Variants in SMCO1 observed in about 807,000 individuals in gnomAD.
SMCO1 encodes single-pass membrane protein with coiled-coil domains 1, also known as single-pass membrane and coiled-coil domain-containing protein 1.
In SMCO1, 9 loss-of-function variants were observed where a neutral mutation model predicts 7.5. That is an observed-to-expected ratio of 1.20 (90% confidence interval 0.72 to 2.09). SMCO1 has a LOEUF of 2.09. SMCO1 is among the 30% of genes most tolerant of loss of function. The pLI, the probability that SMCO1 is intolerant of heterozygous loss-of-function variation, is 0.00. For missense variants in SMCO1, 219 were observed against 253.1 expected (o/e 0.87, Z 0.91); for synonymous variants, 90 against 93.8 (o/e 0.96, Z 0.23).
chr3:196,517,034 G>T (rs2108665230), upstream of SMCO1, among the ~76,000 whole-genome samples: 1 of 142,234 alleles, frequency 7.0e-6, no homozygotes, highest in East Asian at 2.2e-4. Context: ...GGGAGGTGGA[G>T]GTTGCAGTGA....
intron 2 of SMCO1, among the ~76,000 whole-genome samples, chr3:196,509,258 G>T (rs1733149388): frequency 6.8e-6 from 1 of 146,476 alleles, no homozygotes. Context: ...TAGAGGCAGG[G>T]TTTCACTGTG....
upstream of SMCO1, among the ~76,000 whole-genome samples, chr3:196,516,010 T>C (rs1189066793): frequency 1.1e-5 from 1 of 93,602 alleles, no homozygotes; most frequent in Non-Finnish European, 1.7e-5. Flanking sequence ...TATATATATA[T>C]ATATATATAT....
chr3:196,515,688 C>T (rs1411115973), upstream of SMCO1, among the ~76,000 whole-genome samples: 2 of 151,962 alleles, frequency 1.3e-5, no homozygotes, highest in African/African-American at 4.8e-5. Context: ...AAAAATCTAA[C>T]TATCATTAGA....
upstream of SMCO1, chr3:196,515,443 T>G (rs143379750): frequency 1.9e-6 from 1 of 521,028 alleles, no homozygotes; most frequent in African/African-American, 1.9e-5. Context: ...TGGAATGCAC[T>G]ATAACATTTG....
rs1243604801 is a variant in SMCO1 at position 196,507,225 on chromosome 3, T to A, written c.*662A>T. On this transcript the variant is annotated 3_prime_UTR_variant, in exon 3 of 3. Transcript: ENST00000397537. ...TTTCAGGCTTTAGACTGTCCTTGGC[T>A]TGAAGGTTGAGTTTCACCAGGGACC... 6.6e-6 allele frequency: 1 copy of A among 152,212 alleles called. No individual in the cohort carries two copies. Among genetic ancestry groups the A allele is most frequent in the Non-Finnish European group, 1.5e-5 (1 of 68,078 alleles). 9.4% of individuals were successfully genotyped at this position (152,212 alleles called of 1,614,324 possible).
At chr3:196,518,616 C>G (rs528781658), upstream of SMCO1, among the ~76,000 whole-genome samples, 3 of 152,272 alleles carry the variant, frequency 2.0e-5, no homozygotes, top group East Asian at 5.8e-4. Flanking sequence ...GACAAAGGAC[C>G]CTGGGTGTTT....
chr3:196,516,028 T>C (rs1191169021), upstream of SMCO1, among the ~76,000 whole-genome samples: 3 of 115,616 alleles, frequency 2.6e-5, no homozygotes, highest in East Asian at 2.2e-4. Flanking sequence ...TATATATATA[T>C]ATAATTATAT....
At chr3:196,516,398 C>T (rs989882548), upstream of SMCO1, among the ~76,000 whole-genome samples, 5 of 151,530 alleles carry the variant, frequency 3.3e-5, no homozygotes, top group East Asian at 5.8e-4. Context: ...AAGGGTGTTA[C>T]GAACTGGAGA....
At position 196,508,225 on chromosome 3, in the gene SMCO1, G is replaced by GA; in HGVS notation, c.306dup (p.Pro103SerfsTer12). The GA allele has an allele frequency of 6.2e-7, 1 of 1,614,148 alleles. No homozygotes were observed. The highest frequency in any genetic ancestry group is 8.5e-7 in the Non-Finnish European group (1 of 1,180,028). On this transcript the variant is annotated frameshift_variant, in exon 3 of 3. Coordinates refer to ENST00000397537, the MANE Select transcript of SMCO1 (RefSeq NM_001077657.3). LOFTEE classifies it low-confidence loss of function (END_TRUNC). ...CTTCTGAGTACAGAGGCTAAGGTTG[G>GA]AAGACCTCTCACCAGGTCTGGCAGC...
upstream of SMCO1, among the ~76,000 whole-genome samples, chr3:196,519,936 G>A (rs189552918): frequency 2.1e-5 from 3 of 142,942 alleles, no homozygotes; most frequent in East Asian, 1.9e-4. Flanking sequence ...GAAAACAGTC[G>A]GGGGGGACGC....
chr3:196,517,348 C>T (rs1029045456), upstream of SMCO1, among the ~76,000 whole-genome samples: 3 of 152,100 alleles, frequency 2.0e-5, no homozygotes, highest in East Asian at 5.8e-4. Flanking sequence ...GGGCTGGTCA[C>T]TAGAAAGACC....
chr3:196,519,936 G>T (rs189552918), upstream of SMCO1, among the ~76,000 whole-genome samples: 1 of 142,848 alleles, frequency 7.0e-6, no homozygotes, highest in African/African-American at 3.0e-5. Context: ...GAAAACAGTC[G>T]GGGGGGACGC....
chr3:196,520,759 G>A, the SMCO1 span, among the ~76,000 whole-genome samples: 1 of 152,214 alleles, frequency 6.6e-6, no homozygotes, highest in Admixed American at 6.5e-5. Context: ...GAAAAATATG[G>A]AGATGTGTGG....
chr3:196,509,851 C>G (rs1179747798), intron 1 of SMCO1, among the ~76,000 whole-genome samples, 182 bp from the exon 2 acceptor site: 1 of 151,936 alleles, frequency 6.6e-6, no homozygotes, highest in East Asian at 1.9e-4. Flanking sequence ...AAAGTTTCAA[C>G]AAATGGCTCC....
chr3:196,518,660 C>T (rs908974432), upstream of SMCO1, among the ~76,000 whole-genome samples: 6 of 152,148 alleles, frequency 3.9e-5, no homozygotes, highest in Non-Finnish European at 8.8e-5. Context: ...TTTTTGGGGG[C>T]TCATCCGGAA....
chr3:196,518,157 T>TA (rs1164956555), upstream of SMCO1, among the ~76,000 whole-genome samples: 1 of 152,168 alleles, frequency 6.6e-6, no homozygotes, highest in African/African-American at 2.4e-5. Flanking sequence ...ATTTGCATAA[T>TA]AAAAGGCTAG....
chr3:196,509,487 C>G (rs1408870455), intron 2 of SMCO1, 33 bp downstream of exon 2: 2 of 1,578,732 alleles, frequency 1.3e-6, no homozygotes, highest in Admixed American at 1.7e-5. Context: ...CACAAAGCCA[C>G]AGAATCCCAC....
At chr3:196,518,297 G>A (rs1254135608), upstream of SMCO1, among the ~76,000 whole-genome samples, 1 of 152,214 alleles carries the variant, frequency 6.6e-6, no homozygotes, top group African/African-American at 2.4e-5. Flanking sequence ...TCTGCTAAAG[G>A]GGGTTATTCC....
upstream of SMCO1, among the ~76,000 whole-genome samples, chr3:196,517,919 C>T (rs902140212): frequency 1.3e-5 from 2 of 152,192 alleles, no homozygotes; most frequent in Admixed American, 6.5e-5. Flanking sequence ...AAAGCAGCCC[C>T]CGCAAACATT....
Sources: gnomAD v4.1 joint callset for allele counts (sites outside exome capture counted in the v4.1 genomes callset) on GRCh38, gnomAD v4.1.1 for gene constraint, MANE v1.5 for transcripts, NCBI Gene and HGNC (gene_info 2026-07-23, HGNC 2026-07-21) for gene names.